The following CHST13 variants were observed in gnomAD, a reference collection of about 807,000 sequenced individuals.
CHST13 encodes C4ST-3.
CHST13 carries 1 observed loss-of-function variant against 7.0 expected under a neutral mutation model. That is an observed-to-expected ratio of 0.14 (90% confidence interval 0.05 to 0.68). CHST13 has a LOEUF of 0.68. Among genes scored for constraint, CHST13 ranks in the 30% least tolerant of loss-of-function variants. The probability of loss-of-function intolerance (pLI) is 0.82; values close to 1 mark genes in which losing one functional copy is unlikely to be tolerated. For synonymous variants in CHST13, 257 were observed against 240.9 expected (o/e 1.07, Z -0.62); for missense variants, 572 against 507.9 (o/e 1.13, Z -1.21).
intron 1 of CHST13, among the ~76,000 whole-genome samples, chr3:126,526,162 A>C (rs2107560664): frequency 6.6e-6 from 1 of 152,238 alleles, no homozygotes; most frequent in African/African-American, 2.4e-5. Context: ...AATCAGACCA[A>C]CCTATCCAGC....
chr3:126,526,646 G>T (rs1212734912), intron 1 of CHST13, among the ~76,000 whole-genome samples: 2 of 152,224 alleles, frequency 1.3e-5, no homozygotes, highest in Admixed American at 6.5e-5. Flanking sequence ...ATTCTAGTAG[G>T]GGGAGGTCTG....
intron 1 of CHST13, among the ~76,000 whole-genome samples, 175 bp from the exon 2 acceptor site, chr3:126,536,096 C>T (rs1373583806): frequency 1.3e-5 from 2 of 152,160 alleles, no homozygotes; most frequent in African/African-American, 4.8e-5. Flanking sequence ...AATTCTGCCC[C>T]ATTAGTACCC....
chr3:126,525,894 G>A (rs1209939255), intron 1 of CHST13, among the ~76,000 whole-genome samples: 2 of 152,146 alleles, frequency 1.3e-5, no homozygotes, highest in African/African-American at 2.4e-5. Flanking sequence ...GTCACCTTCT[G>A]GGCTTTGTTC....
chr3:126,535,158 G>GAGAC (rs1211208306), intron 1 of CHST13, among the ~76,000 whole-genome samples: 8 of 126,116 alleles, frequency 6.3e-5, no homozygotes, highest in South Asian at 2.8e-4. Context: ...CCCCAGCCGG[G>GAGAC]AGACAGACAG....
intron 1 of CHST13, among the ~76,000 whole-genome samples, chr3:126,526,613 G>A (rs953539827): frequency 1.3e-5 from 2 of 152,220 alleles, no homozygotes; most frequent in Non-Finnish European, 2.9e-5. Context: ...TGGGGCTCTT[G>A]CTACCCCAGG....
intron 2 of CHST13, among the ~76,000 whole-genome samples, chr3:126,541,394 A>G (rs1436400537): frequency 6.6e-6 from 1 of 152,166 alleles, no homozygotes; most frequent in Non-Finnish European, 1.5e-5. Context: ...CTTTTAGTAA[A>G]CATTGAAGAG....
intron 1 of CHST13, chr3:126,527,058 G>A (rs1936550260): frequency 6.6e-6 from 1 of 152,278 alleles, no homozygotes; most frequent in Admixed American, 6.5e-5. Flanking sequence ...TTCTGCCTCT[G>A]AGACACCGGC....
At chr3:126,525,154 G>A (rs1029526287) in intron 1 of CHST13, among the ~76,000 whole-genome samples, 1 of 152,130 alleles carries the variant, frequency 6.6e-6, no homozygotes, top group African/African-American at 2.4e-5. Flanking sequence ...GGACTGGAGG[G>A]GCCCAGCCAG....
chr3:126,536,135 T>G, intron 1 of CHST13, 136 bp from the exon 2 acceptor site: 2 of 662,418 alleles, frequency 3.0e-6, no homozygotes, highest in Non-Finnish European at 2.7e-6. Flanking sequence ...ACCAAGCCCC[T>G]AGGAGGTAGG....
rs1487647221 is a variant in CHST13 at position 126,541,760 on chromosome 3, C to G, written c.208C>G (p.His70Asp). The part of the protein sequence containing the change: ...QDPRSTLAKV[H>D]RQRRDLLNSA... ...CCCGCGCTCGACCCTGGCGAAGGTG[C>G]ACCGGCAGCGGCGCGACCTGCTGAA... Residue 70 changes from histidine to aspartate, a missense_variant, in exon 3 of 3, where the codon CAC becomes GAC. Transcript: ENST00000319340. 6.6e-7 allele frequency: 1 copy of G among 1,508,558 alleles called. No homozygotes were observed. The highest frequency in any genetic ancestry group is 2.6e-5 in the East Asian group (1 of 39,122). The allele number at this position is 1,508,558 out of a possible 1,614,324, so 93.4% of individuals were successfully genotyped here.
At chr3:126,540,726 A>T (rs1417736950) in intron 2 of CHST13, among the ~76,000 whole-genome samples, 1 of 152,176 alleles carries the variant, frequency 6.6e-6, no homozygotes, top group Non-Finnish European at 1.5e-5. Flanking sequence ...TTCTCTTGAG[A>T]ATATGCCTAG....
At position 126,541,859 on chromosome 3, in the gene CHST13, G is replaced by T. The variant is rs920509443; in HGVS notation, c.307G>T (p.Asp103Tyr). The change falls in exon 3 of 3, where the codon GAC becomes TAC. Residue 103 changes from aspartate (D) to tyrosine (Y), a missense_variant. By Grantham distance (160) the Asp-to-Tyr change is radical. Transcript: ENST00000319340. ...GGACCTGCGGCACGTGCTGGTGGAC[G>T]ACGCGCATGGCCTGCTCTACTGCTA... ...PEDLRHVLVD[D>Y]AHGLLYCYVP... 2.5e-5 allele frequency: 39 copies of T among 1,590,062 alleles called. No homozygotes were observed. Among genetic ancestry groups the T allele is most frequent in the Non-Finnish European group, 3.3e-5 (38 of 1,168,894 alleles).
intron 2 of CHST13, among the ~76,000 whole-genome samples, chr3:126,541,236 G>A (rs545789773): frequency 1.1e-3 from 168 of 152,218 alleles, no homozygotes; most frequent in Non-Finnish European, 2.0e-3. Flanking sequence ...GGGAATAAAA[G>A]GAGTGAAGGT....
chr3:126,534,572 G>A (rs1276235820), intron 1 of CHST13, among the ~76,000 whole-genome samples: 2 of 146,068 alleles, frequency 1.4e-5, no homozygotes, highest in African/African-American at 5.1e-5. Context: ...AGCCAGGAGA[G>A]AGACACACAC....
At chr3:126,537,917 T>C (rs1936832357) in intron 2 of CHST13, among the ~76,000 whole-genome samples, 2 of 152,200 alleles carry the variant, frequency 1.3e-5, no homozygotes, top group Admixed American at 1.3e-4. Flanking sequence ...AGAGCTTCTA[T>C]GGACTAGAGC....
At chr3:126,530,390 C>T (rs1936630952) in intron 1 of CHST13, among the ~76,000 whole-genome samples, 1 of 152,238 alleles carries the variant, frequency 6.6e-6, no homozygotes, top group Admixed American at 6.5e-5. Flanking sequence ...TTCCGGAAGG[C>T]TGGGAGCCTC....
chr3:126,542,251 G>A lies in CHST13; in HGVS notation c.699G>A (p.Leu233=). The change falls in exon 3 of 3, where the codon CTG becomes CTA. Residue 233 remains leucine, a synonymous_variant. Coordinates refer to ENST00000319340, the MANE Select transcript of CHST13 (RefSeq NM_152889.3). ...VRFAEFLAYL[L]DPRTRREEPF... ...TCGCGGAGTTCCTGGCCTACCTGCT[G>A]GACCCGCGCACGCGGCGTGAGGAGC... The A allele has an allele frequency of 6.5e-7, 1 of 1,541,382 alleles. No individual in the cohort carries two copies. Among genetic ancestry groups the A allele is most frequent in the Non-Finnish European group, 8.7e-7 (1 of 1,151,166 alleles).
At chr3:126,533,652 T>C (rs1385636364) in intron 1 of CHST13, among the ~76,000 whole-genome samples, 2 of 152,218 alleles carry the variant, frequency 1.3e-5, no homozygotes, top group African/African-American at 4.8e-5. Context: ...TTTGCACTTA[T>C]ATTCATAAGG....
At chr3:126,525,225 G>C (rs1195732445) in intron 1 of CHST13, among the ~76,000 whole-genome samples, 1 of 152,146 alleles carries the variant, frequency 6.6e-6, no homozygotes, top group Non-Finnish European at 1.5e-5. Flanking sequence ...TGCGTGCTGG[G>C]TGGGACGACT....
Sources: gnomAD v4.1 joint callset for allele counts (sites outside exome capture counted in the v4.1 genomes callset) on GRCh38, gnomAD v4.1.1 for gene constraint, MANE v1.5 for transcripts, NCBI Gene and HGNC (gene_info 2026-07-23, HGNC 2026-07-21) for gene names.